Variants in RAB27A observed in about 807,000 individuals in gnomAD.
RAB27A encodes the protein RAB27A, member RAS oncogene family, also known as ras-related protein Rab-27A.
Under a neutral mutation model 20.8 loss-of-function variants are expected in RAB27A, and 17 were observed. The ratio of observed to expected loss-of-function variants is 0.82; its 90% confidence interval spans 0.56 to 1.23. The LOEUF is 1.23. Among genes scored for constraint, RAB27A ranks in the 50% most tolerant of loss-of-function variants. RAB27A has a pLI of 0.00. For missense variants in RAB27A, 277 were observed against 266.7 expected, an observed-to-expected ratio of 1.04 and a Z score of -0.27; for synonymous variants, 85 against 92.8, an observed-to-expected ratio of 0.92 and a Z score of 0.48.
At chr15:55,303,617 T>G (rs1315558886) in intron 2 of RAB27A, among the ~76,000 whole-genome samples, 13 of 55,866 alleles carry the variant, frequency 2.3e-4, no homozygotes, top group Non-Finnish European at 3.1e-4. Context: ...GGTGAGGGGG[T>G]CGGCCCCCCG....
At chr15:55,304,080 A>T (rs1203283153) in intron 2 of RAB27A, among the ~76,000 whole-genome samples, 1 of 152,136 alleles carries the variant, frequency 6.6e-6, no homozygotes, top group South Asian at 2.1e-4. Flanking sequence ...GTGTAGAAAG[A>T]GGTAGACATG....
intron 2 of RAB27A, among the ~76,000 whole-genome samples, chr15:55,261,181 G>A (rs780199304): frequency 5.3e-5 from 8 of 151,878 alleles, no homozygotes; most frequent in Non-Finnish European, 7.4e-5. Flanking sequence ...GGTGGATCAC[G>A]AGGTCAGGAG....
intron 2 of RAB27A, among the ~76,000 whole-genome samples, chr15:55,306,083 A>G (rs1566941184): frequency 6.6e-6 from 1 of 152,178 alleles, no homozygotes; most frequent in Non-Finnish European, 1.5e-5. Context: ...CAGACAAAAA[A>G]TATTCCTGAG....
chr15:55,302,739 T>TGTGAGGAGCACCTCTGCCCGGCC (rs1272312500), intron 2 of RAB27A, among the ~76,000 whole-genome samples: 1 of 112,548 alleles, frequency 8.9e-6, no homozygotes, highest in Non-Finnish European at 1.7e-5. Context: ...CCATCTGGGA[T>TGTGAGGAGCACCTCTGCCCGGCC]GTGAGGAGCA....
chr15:55,211,217 C>G (rs915040077), intron 6 of RAB27A, among the ~76,000 whole-genome samples: 1 of 152,034 alleles, frequency 6.6e-6, no homozygotes, highest in African/African-American at 2.4e-5. Flanking sequence ...CTTTTTTCCT[C>G]AGGATTTTGT....
At chr15:55,252,941 G>A (rs1896946492) in intron 2 of RAB27A, among the ~76,000 whole-genome samples, 1 of 151,656 alleles carries the variant, frequency 6.6e-6, no homozygotes, top group South Asian at 2.1e-4. Flanking sequence ...GAGACCAGCT[G>A]GCCAACATGG....
chr15:55,253,165 TG>T (rs972254138), intron 2 of RAB27A, among the ~76,000 whole-genome samples: 4 of 144,682 alleles, frequency 2.8e-5, no homozygotes, highest in African/African-American at 7.7e-5. Context: ...GGCTCCCTAA[TG>T]GCCAGGCGTG....
intron 1 of RAB27A, among the ~76,000 whole-genome samples, chr15:55,279,785 T>C (rs996439964): frequency 6.6e-6 from 1 of 152,192 alleles, no homozygotes; most frequent in African/African-American, 2.4e-5. Context: ...CTGTTTTGAA[T>C]AAATATCACC....
chr15:55,267,922 C>T (rs910191664), intron 2 of RAB27A, among the ~76,000 whole-genome samples: 22 of 152,150 alleles, frequency 1.4e-4, no homozygotes, highest in African/African-American at 4.8e-4. Flanking sequence ...CAGTTCCTGT[C>T]TTGTGGGCAG....
In RAB27A at chr15:55,205,270, T is replaced by A; in HGVS notation, c.*237A>T. 7 of 567,346 alleles carry A rather than the reference T, an allele frequency of 1.2e-5. No individual in the cohort carries two copies. The highest frequency in any genetic ancestry group is 1.2e-4 in the South Asian group (6 of 50,156). The allele number at this position is 567,346 out of a possible 1,614,324, so 35.1% of individuals were successfully genotyped here. On this transcript the variant is annotated 3_prime_UTR_variant, in exon 7 of 7. Transcript: ENST00000336787. Reference sequence around the variant, plus strand: ...TTTACTATAATAGGCTAAGGTTGTATAAGGCACTTTTGGCTCTGAAATATT... The same window carrying A: ...TTTACTATAATAGGCTAAGGTTGTAAAAGGCACTTTTGGCTCTGAAATATT...
chr15:55,272,293 G>C (rs1258823886), intron 1 of RAB27A, among the ~76,000 whole-genome samples: 1 of 152,158 alleles, frequency 6.6e-6, no homozygotes, highest in African/African-American at 2.4e-5. Context: ...CAGCTACCCG[G>C]GAGGCTGAGG....
At chr15:55,226,608 G>A (rs533707761) in intron 5 of RAB27A, among the ~76,000 whole-genome samples, 4 of 152,152 alleles carry the variant, frequency 2.6e-5, no homozygotes, top group African/African-American at 7.2e-5. Context: ...TGTGGCTCAC[G>A]CCTGTAATCC....
At chr15:55,305,866 G>T (rs939379220) in intron 2 of RAB27A, among the ~76,000 whole-genome samples, 2 of 152,196 alleles carry the variant, frequency 1.3e-5, no homozygotes, top group African/African-American at 2.4e-5. Context: ...AGTACAGGTT[G>T]TGATACCGCC....
chr15:55,247,532 C>A (rs1896735197), intron 2 of RAB27A, among the ~76,000 whole-genome samples: 1 of 152,150 alleles, frequency 6.6e-6, no homozygotes, highest in Non-Finnish European at 1.5e-5. Context: ...TTTTGACCAA[C>A]ACAGACTGAC....
At chr15:55,307,045 T>G (rs1421635543) in intron 2 of RAB27A, among the ~76,000 whole-genome samples, 5 of 151,944 alleles carry the variant, frequency 3.3e-5, no homozygotes, top group Non-Finnish European at 5.9e-5. Flanking sequence ...AAGACTCCAC[T>G]CCAGCCACTT....
rs1379213338 is a variant in RAB27A at position 55,228,675 on chromosome 15, T to G, written c.277A>C (p.Met93Leu). 6.2e-7 allele frequency: 1 copy of G among 1,613,832 alleles called. No individual in the cohort carries two copies. The highest frequency in any genetic ancestry group is 8.5e-7 in the Non-Finnish European group (1 of 1,179,768). ...AGATCAAAAAGTAGAAGAAAACCCATAGCATCTCTGAAGAACGCTGTCGTT... is the reference window on the plus strand; with the variant it reads ...AGATCAAAAAGTAGAAGAAAACCCAGAGCATCTCTGAAGAACGCTGTCGTT... The part of the protein sequence containing the change: ...SLTTAFFRDA[M>L]GFLLLFDLTN... The change falls in exon 5 of 7, where the codon ATG (methionine) becomes CTG (leucine). Residue 93 changes from methionine (M) to leucine (L), a missense_variant. Met to Leu is a conservative substitution (Grantham distance 15). Transcript: ENST00000336787.
At chr15:55,232,991 G>C (rs999338957) in intron 3 of RAB27A, among the ~76,000 whole-genome samples, 11 of 152,102 alleles carry the variant, frequency 7.2e-5, no homozygotes, top group African/African-American at 2.7e-4. Context: ...CGGGTGTGGT[G>C]GCGGGTGCCT....
chr15:55,214,272 T>TA (rs1164795479), intron 6 of RAB27A, among the ~76,000 whole-genome samples: 1 of 152,156 alleles, frequency 6.6e-6, no homozygotes, highest in Non-Finnish European at 1.5e-5. Context: ...CCGTCTCTAC[T>TA]AAAAATACAA....
intron 1 of RAB27A, among the ~76,000 whole-genome samples, chr15:55,286,825 C>T (rs1898166387): frequency 6.6e-6 from 1 of 150,548 alleles, no homozygotes; most frequent in South Asian, 2.1e-4. Flanking sequence ...CTTCAGAAGG[C>T]TTTTGCAGTA....
Sources: allele counts gnomAD v4.1 joint callset (sites outside exome capture counted in the v4.1 genomes callset), GRCh38; gene constraint gnomAD v4.1.1; transcripts MANE v1.5; gene names NCBI Gene and HGNC (gene_info 2026-07-23, HGNC 2026-07-21).